The following BRI3 variants were observed in gnomAD, a reference collection of about 807,000 sequenced individuals.
The protein encoded by BRI3 is brain protein I3, also known as membrane protein BRI3.
Under a neutral mutation model 12.8 loss-of-function variants are expected in BRI3, and 6 were observed. The observed-to-expected ratio is 0.47, with a 90% CI of 0.26 to 0.93. BRI3 has a LOEUF of 0.93. BRI3 is among the 40% of genes least tolerant of loss of function. The pLI, the probability that BRI3 is intolerant of heterozygous loss-of-function variation, is 0.15. For missense variants in BRI3, 134 were observed against 171.1 expected (o/e 0.78, Z 1.21); for synonymous variants, 91 against 76.1 (o/e 1.20, Z -1.02).
the BRI3 span, among the ~76,000 whole-genome samples, chr7:98,321,871 G>C: frequency 6.6e-6 from 1 of 152,184 alleles, no homozygotes; most frequent in Admixed American, 6.5e-5. Context: ...GCTGAGGTGG[G>C]AGTATCACGA....
At chr7:98,302,035 G>A (rs574606473), upstream of BRI3, among the ~76,000 whole-genome samples, 15 of 152,280 alleles carry the variant, frequency 9.9e-5, no homozygotes, top group African/African-American at 4.8e-5. Flanking sequence ...TGCACCGTGC[G>A]CTGGCAGTCT....
chr7:98,282,869 G>C (rs1288388332), intron 2 of BRI3: 1 of 185,682 alleles, frequency 5.4e-6, no homozygotes, highest in Non-Finnish European at 1.1e-5. Context: ...CATTTTCCCG[G>C]AAGGGGCATT....
At chr7:98,288,104 CTTTTTCATGGGACA>C (rs1475050430) in intron 2 of BRI3, among the ~76,000 whole-genome samples, 1 of 152,194 alleles carries the variant, frequency 6.6e-6, no homozygotes, top group East Asian at 1.9e-4. Context: ...TCCCTGTCTG[CTTTTTCATGGGACA>C]TTTTCTAACC....
downstream of BRI3, among the ~76,000 whole-genome samples, chr7:98,315,007 A>G (rs1368047809): frequency 6.6e-6 from 1 of 152,214 alleles, no homozygotes; most frequent in Non-Finnish European, 1.5e-5. Flanking sequence ...CTATAAGTTT[A>G]TATGTTCAAG....
the BRI3 span, chr7:98,317,442 G>A: frequency 1.3e-6 from 2 of 1,535,834 alleles, no homozygotes; most frequent in Non-Finnish European, 1.8e-6. Context: ...TCCACTGTGT[G>A]TGGCTCAACG....
In BRI3 at chr7:98,282,400, C is replaced by T; in HGVS notation, c.192C>T (p.Val64=). The change falls in exon 2 of 3, where the codon GTC becomes GTT. Residue 64 remains valine, a synonymous_variant. Transcript: ENST00000297290. ...TCTACAACATCCACAGCCGGACCGTCACCCGCTATCCTGCCAACTCTATCG... is the reference window on the plus strand; with the variant it reads ...TCTACAACATCCACAGCCGGACCGTTACCCGCTATCCTGCCAACTCTATCG... The part of the protein sequence containing the change: ...PRVYNIHSRT[V]TRYPANSIVV... 6.2e-7 allele frequency: 1 copy of T among 1,614,134 alleles called. No homozygotes were observed. Among genetic ancestry groups the T allele is most frequent in the East Asian group, 2.2e-5 (1 of 44,880 alleles).
Position 98,307,713 on chromosome 7 carries a change from T to C in BRI3, n.343T>C, listed in dbSNP as rs564556684. ...CGCCTTGGACACGTCGTGTTCTCCA[T>C]AGAGCCAGCCATCCTTCTCCTCGGG... On this transcript the variant is annotated non_coding_transcript_exon_variant, in exon 2 of 2. Coordinates refer to the BRI3 transcript ENST00000485422. The C allele has an allele frequency of 7.4e-6, 12 of 1,614,172 alleles. No individual in the cohort carries two copies. The African/African-American group carries it at 1.3e-4, about 18-fold the overall frequency.
chr7:98,318,586 G>A, the BRI3 span, among the ~76,000 whole-genome samples: 2 of 151,708 alleles, frequency 1.3e-5, no homozygotes, highest in Non-Finnish European at 2.9e-5. Context: ...GTGAACACAG[G>A]GTCTTAAACG....
intron 2 of BRI3, among the ~76,000 whole-genome samples, chr7:98,283,730 C>T (rs1032302268): frequency 6.6e-6 from 1 of 152,158 alleles, no homozygotes; most frequent in Non-Finnish European, 1.5e-5. Context: ...CCGGAGGAGC[C>T]GGGTTCCGGT....
the BRI3 span, among the ~76,000 whole-genome samples, chr7:98,316,033 T>C: frequency 6.6e-6 from 1 of 152,146 alleles, no homozygotes; most frequent in Non-Finnish European, 1.5e-5. Flanking sequence ...GTAATTCCTA[T>C]GTGTTTGGGG....
chr7:98,304,996 G>A (rs1017860760), upstream of BRI3, among the ~76,000 whole-genome samples: 3 of 149,244 alleles, frequency 2.0e-5, no homozygotes, highest in African/African-American at 7.4e-5. Context: ...CTCCCAAGTA[G>A]CCGGGATTAC....
intron 1 of BRI3, among the ~76,000 whole-genome samples, chr7:98,300,302 C>T (rs1303139589): frequency 2.0e-5 from 3 of 152,182 alleles, no homozygotes; most frequent in Middle Eastern, 3.2e-3. Context: ...AGCACCAATG[C>T]GTCTGTAGGC....
upstream of BRI3, among the ~76,000 whole-genome samples, chr7:98,303,948 G>T (rs113515586): frequency 2.6e-5 from 4 of 152,360 alleles, no homozygotes; most frequent in African/African-American, 9.6e-5. Context: ...AGGCGACTGT[G>T]TGTAAACTCT....
the BRI3 span, among the ~76,000 whole-genome samples, chr7:98,318,975 T>C: frequency 6.7e-6 from 1 of 150,046 alleles, no homozygotes; most frequent in Non-Finnish European, 1.5e-5. Context: ...ATGGTGTCTA[T>C]GTTTTGGAGT....
chr7:98,321,275 AT>A, the BRI3 span, among the ~76,000 whole-genome samples: 1 of 152,260 alleles, frequency 6.6e-6, no homozygotes, highest in Admixed American at 6.5e-5. Context: ...AACTCTAGGA[AT>A]AAAAAATGAT....
At chr7:98,311,181 C>A (rs1425069230), downstream of BRI3, among the ~76,000 whole-genome samples, 1 of 152,110 alleles carries the variant, frequency 6.6e-6, no homozygotes, top group East Asian at 1.9e-4. Flanking sequence ...CAGAGTGTGT[C>A]TAATTTATTC....
downstream of BRI3, among the ~76,000 whole-genome samples, chr7:98,314,564 G>A (rs1801000218): frequency 1.3e-5 from 2 of 152,198 alleles, no homozygotes; most frequent in Non-Finnish European, 2.9e-5. Context: ...GATTCCTGGG[G>A]GTTCGAACCT....
chr7:98,322,365 C>T, the BRI3 span, among the ~76,000 whole-genome samples: 1 of 152,184 alleles, frequency 6.6e-6, no homozygotes, highest in Non-Finnish European at 1.5e-5. Flanking sequence ...CCATTGGGCA[C>T]ACCTCATCCT....
the BRI3 span, chr7:98,320,106 A>G: frequency 1.2e-4 from 196 of 1,613,064 alleles, 1 homozygote; most frequent in Non-Finnish European, 1.3e-4. Flanking sequence ...GCTCATGGAT[A>G]ATCTCTTTGT....
Sources: allele counts gnomAD v4.1 joint callset (sites outside exome capture counted in the v4.1 genomes callset), GRCh38; gene constraint gnomAD v4.1.1; transcripts MANE v1.5; gene names NCBI Gene and HGNC (gene_info 2026-07-23, HGNC 2026-07-21).